The following ATG16L2 variants were observed in gnomAD, a reference collection of about 807,000 sequenced individuals.
The protein encoded by ATG16L2 is protein Atg16l2.
ATG16L2 carries 77 observed loss-of-function variants against 84.7 expected under a neutral mutation model. That is an observed-to-expected ratio of 0.91 (90% confidence interval 0.76 to 1.10). ATG16L2 has a LOEUF of 1.10. Among genes scored for constraint, ATG16L2 ranks in the 50% least tolerant of loss-of-function variants. ATG16L2 has a pLI of 0.00. For synonymous variants in ATG16L2, 361 were observed against 342.8 expected, an observed-to-expected ratio of 1.05 and a Z score of -0.59; for missense variants, 782 against 817.6, an observed-to-expected ratio of 0.96 and a Z score of 0.53.
chr11:72,843,099 AC>A (rs1427414246), exon 6 of ATG16L2: 4 of 1,563,118 alleles, frequency 2.6e-6, no homozygotes, highest in Non-Finnish European at 3.5e-6. Flanking sequence ...CCAGGGCAAT[AC>A]AGTTTAGGTC....
chr11:72,827,119 CAT>C, intron 13 of ATG16L2, 67 bp from the exon 14 acceptor site: 2 of 1,258,974 alleles, frequency 1.6e-6, no homozygotes, highest in Non-Finnish European at 2.3e-6. Flanking sequence ...TCAGCTTCTC[CAT>C]ATGTCCTGTG....
Position 72,838,999 on chromosome 11 carries a change from A to G in ATG16L2, c.*22-3618A>G. 10 of 739,306 alleles carry G rather than the reference A, an allele frequency of 1.4e-5. 1 individual carries two copies. In the South Asian group the frequency reaches 1.7e-4, roughly 12 times the overall value. The allele number at this position is 739,306 out of a possible 1,614,324, so 45.8% of individuals were successfully genotyped here. ...CCCTAGGGGTCTCAGAAATGTTGTGAGCACGTGCTTTCAACCTAGTCTTCA... is the reference window on the plus strand; with the variant it reads ...CCCTAGGGGTCTCAGAAATGTTGTGGGCACGTGCTTTCAACCTAGTCTTCA... On this transcript the variant is annotated intron_variant, in intron 5 of 5. Transcript: ENST00000534905.
At chr11:72,819,397 A>C (rs967817464) in intron 3 of ATG16L2, among the ~76,000 whole-genome samples, 1 of 152,166 alleles carries the variant, frequency 6.6e-6, no homozygotes, top group Admixed American at 6.5e-5. Context: ...TCAGAGTGAC[A>C]TATTTTAATT....
intron 8 of ATG16L2, 113 bp from the exon 9 acceptor site, chr11:72,824,621 T>G: frequency 1.3e-6 from 1 of 798,048 alleles, no homozygotes; most frequent in Non-Finnish European, 2.2e-6. Flanking sequence ...TGGGGCCATG[T>G]TCTGCCGCCT....
chr11:72,822,392 C>T lies in ATG16L2; in HGVS notation c.645-86C>T, dbSNP rs552826510. ...GTCTGGAAGGGAGGGGGGCAGCAGCCGCCCCCTGGAGGAAGGGACCGGGTC... is the reference window on the plus strand; with the variant it reads ...GTCTGGAAGGGAGGGGGGCAGCAGCTGCCCCCTGGAGGAAGGGACCGGGTC... On this transcript the variant is annotated intron_variant, in intron 5 of 17. Transcript: ENST00000321297. The surrounding 1 kb of genome is among the most constrained non-coding windows in gnomAD (Gnocchi z 4.2). The T allele has an allele frequency of 1.6e-5, 26 of 1,592,336 alleles. No individual in the cohort carries two copies. In the Admixed American group the frequency reaches 3.0e-4, roughly 18 times the overall value.
intron 13 of ATG16L2, 122 bp downstream of exon 13, chr11:72,826,945 A>T (rs1860398825): frequency 5.8e-6 from 7 of 1,205,722 alleles, no homozygotes; most frequent in Non-Finnish European, 8.1e-6. Context: ...TGGGGGTGAA[A>T]CCTCTCAAGG....
rs1413724519 is a variant in ATG16L2, at chr11:72,826,974, G to A, written c.1366+151G>A. 4 of 965,100 alleles carry A rather than the reference G, an allele frequency of 4.1e-6. No individual in the cohort carries two copies. In the Admixed American group the frequency reaches 1.0e-4, roughly 25 times the overall value. The allele number at this position is 965,100 out of a possible 1,614,324, so 59.8% of individuals were successfully genotyped here. A position where few individuals can be genotyped will look rare whatever the true frequency, so the allele number is the denominator to read the frequency against. ...CTCAAGGCCCTCCAATTCCCTAATG[G>A]TATCCCCCAGTGGTGTTTTCTGTCT... On this transcript the variant is annotated intron_variant, in intron 13 of 17. Transcript: ENST00000321297.
intron 3 of ATG16L2, 68 bp from the exon 4 acceptor site, chr11:72,821,600 T>C (rs1376273939): frequency 1.3e-6 from 2 of 1,506,104 alleles, no homozygotes; most frequent in Non-Finnish European, 8.8e-7. Context: ...CCTTAGCGCC[T>C]TCGGCCCCGG....
chr11:72,835,075 T>G (rs374686890), intron 5 of ATG16L2, among the ~76,000 whole-genome samples: 22 of 152,290 alleles, frequency 1.4e-4, no homozygotes, highest in African/African-American at 5.1e-4. Context: ...GATTGCATCA[T>G]GCATCAAGTC....
chr11:72,821,143 T>A, intron 3 of ATG16L2: 1 of 856,544 alleles, frequency 1.2e-6, no homozygotes, highest in Non-Finnish European at 1.4e-6. Context: ...ATCTCTTAGC[T>A]ACGTGACTTT....
chr11:72,830,379 T>C (rs1378828168), downstream of ATG16L2, among the ~76,000 whole-genome samples: 1 of 152,120 alleles, frequency 6.6e-6, no homozygotes, highest in African/African-American at 2.4e-5. Context: ...CCTGGGACCT[T>C]GTGCTGCTGG....
rs759544589 is a variant in ATG16L2, at chr11:72,838,803, G to A, written c.*22-3814G>A. The A allele has an allele frequency of 6.2e-6, 10 of 1,603,680 alleles. No individual in the cohort carries two copies. In the South Asian group the frequency reaches 1.1e-4, roughly 18 times the overall value. The stretch of plus-strand genomic sequence containing the variant: ...GGCAAGCCCATCATCACACCAGTGT[G>A]ATTTCCACATCTTCAATCTTCTCTG... On this transcript the variant is annotated intron_variant, in intron 5 of 5. Transcript: ENST00000534905.
At chr11:72,827,041 G>A in intron 13 of ATG16L2, 147 bp from the exon 14 acceptor site, 1 of 828,424 alleles carries the variant, frequency 1.2e-6, no homozygotes, top group Non-Finnish European at 1.9e-6. Flanking sequence ...AAAAAGACGT[G>A]GGTGAGCCCT....
chr11:72,815,282 C>G (rs1591290002), intron 1 of ATG16L2, among the ~76,000 whole-genome samples: 1 of 152,254 alleles, frequency 6.6e-6, no homozygotes, highest in East Asian at 1.9e-4. Context: ...GGTTGGAAGT[C>G]TAACCACAAT....
intron 1 of ATG16L2, among the ~76,000 whole-genome samples, chr11:72,815,583 A>C (rs1859659691): frequency 6.6e-6 from 1 of 151,932 alleles, no homozygotes; most frequent in Non-Finnish European, 1.5e-5. Flanking sequence ...ATCAGACTGA[A>C]GGGCCAGTCT....
chr11:72,814,491 C>T lies in ATG16L2; in HGVS notation c.46C>T (p.Arg16Cys), dbSNP rs143300353. The T allele has an allele frequency of 1.3e-6, 2 of 1,540,464 alleles. No individual in the cohort carries two copies. The highest frequency in any genetic ancestry group is 1.4e-5 in the African/African-American group (1 of 71,966). Residue 16 changes from arginine (R) to cysteine (C), a missense_variant, in exon 1 of 18, where the codon CGC (arginine) becomes TGC (cysteine). Physicochemically the swap from Arg to Cys is radical, Grantham distance 180 (BLOSUM62 -3). Coordinates refer to ENST00000321297, the MANE Select transcript of ATG16L2 (RefSeq NM_033388.2). ...VPGAPAARWK[R>C]HIVRQLRLRD... ...CGGTGCCCCCGCAGCGCGCTGGAAA[C>T]GCCACATCGTGCGGCAGCTGCGGCT...
At chr11:72,828,684 A>T in intron 15 of ATG16L2, 45 bp from the exon 16 acceptor site, 1 of 1,610,904 alleles carries the variant, frequency 6.2e-7, no homozygotes, top group South Asian at 1.1e-5. Context: ...GAGGGCAGAG[A>T]CTAGTGATGA....
At chr11:72,842,664 G>A in exon 6 of ATG16L2, 1 of 1,614,016 alleles carries the variant, frequency 6.2e-7, no homozygotes, top group South Asian at 1.1e-5. Context: ...TTCTGAGGCT[G>A]AAAGTTCTTC....
At chr11:72,838,780 C>T in intron 5 of ATG16L2, 1 of 1,590,402 alleles carries the variant, frequency 6.3e-7, no homozygotes, top group East Asian at 2.3e-5. Context: ...AATGGATGGG[C>T]AAGCCCATCA....
Sources: gnomAD v4.1 joint callset for allele counts (sites outside exome capture counted in the v4.1 genomes callset) on GRCh38, gnomAD v4.1.1 for gene constraint, Gnocchi (gnomAD v3.1) non-coding constraint, MANE v1.5 for transcripts, NCBI Gene and HGNC (gene_info 2026-07-23, HGNC 2026-07-21) for gene names.